Variants in PMPCB observed in about 807,000 individuals in gnomAD.
PMPCB encodes the protein peptidase, mitochondrial processing subunit beta, also known as mitochondrial-processing peptidase subunit beta.
In PMPCB, 46 loss-of-function variants were observed where a neutral mutation model predicts 61.5. The observed-to-expected ratio is 0.75, with a 90% confidence interval of 0.59 to 0.96. The LOEUF (loss-of-function observed/expected upper bound fraction) is 0.96. Ranked by LOEUF, PMPCB falls within the 40% of genes least tolerant of loss-of-function variation. The probability of loss-of-function intolerance (pLI) is 0.00; values close to 1 mark genes in which losing one functional copy is unlikely to be tolerated. For missense variants in PMPCB, 590 were observed against 602.4 expected (o/e 0.98, Z 0.22); for synonymous variants, 191 against 201.6 (o/e 0.95, Z 0.44).
At chr7:103,334,335 G>A (rs2116009420), downstream of PMPCB, among the ~76,000 whole-genome samples, 1 of 151,794 alleles carries the variant, frequency 6.6e-6, no homozygotes. Flanking sequence ...ACTGAGGCAG[G>A]TGGATCACTT....
chr7:103,308,866 A>T, intron 7 of PMPCB, 86 bp from the exon 8 acceptor site: 1 of 1,087,778 alleles, frequency 9.2e-7, no homozygotes, highest in Non-Finnish European at 1.3e-6. Flanking sequence ...TTTGCAGTTA[A>T]TGGGACTGGT....
intron 9 of PMPCB, 81 bp from the exon 10 acceptor site, chr7:103,311,562 A>C (rs1368953046): frequency 6.6e-6 from 6 of 915,868 alleles, no homozygotes; most frequent in South Asian, 1.5e-5. Context: ...TTTTGTGTAG[A>C]AGATGGCATC....
chr7:103,323,843 A>G (rs1818556568), intron 12 of PMPCB, among the ~76,000 whole-genome samples: 1 of 152,312 alleles, frequency 6.6e-6, no homozygotes, highest in African/African-American at 2.4e-5. Flanking sequence ...TAAAATGCAC[A>G]TATCACTCCA....
At chr7:103,324,824 T>C (rs1818616690) in intron 12 of PMPCB, 2 of 228,406 alleles carry the variant, frequency 8.8e-6, no homozygotes, top group Non-Finnish European at 1.7e-5. Context: ...TTATCTTCAG[T>C]TCTATAAAAT....
intron 12 of PMPCB, chr7:103,327,748 G>A (rs1818782591): frequency 1.9e-6 from 3 of 1,609,272 alleles, no homozygotes; most frequent in Non-Finnish European, 2.5e-6. Context: ...TAAAACCATT[G>A]CTTTATCTAC....
At chr7:103,347,436 C>T in the PMPCB span, 22 of 299,862 alleles carry the variant, frequency 7.3e-5, no homozygotes, top group Non-Finnish European at 1.2e-4. Flanking sequence ...AAATAGATTA[C>T]CTTCACTATA....
At chr7:103,318,199 T>A (rs73175837), downstream of PMPCB, among the ~76,000 whole-genome samples, 9,909 of 152,092 alleles carry the variant, frequency 0.065, 395 homozygotes, top group South Asian at 0.13. Context: ...AAAGTCTCGC[T>A]CTGTTGCCCA....
At chr7:103,316,919 T>A, downstream of PMPCB, 1 of 1,613,992 alleles carries the variant, frequency 6.2e-7, no homozygotes, top group Non-Finnish European at 8.5e-7. Flanking sequence ...CATTTCCACC[T>A]CCACCAGTTG....
Position 103,313,404 on chromosome 7 carries a change from T to C in PMPCB, c.*1133T>C. On this transcript the variant is annotated 3_prime_UTR_variant, in exon 13 of 13. Transcript: ENST00000249269. ...CACTCACCAGACTGGTAAAAAGCCA[T>C]ATTTAAATTTATAGTACTGTTGGAC... 2 of 983,926 alleles carry C rather than the reference T, an allele frequency of 2.0e-6. No homozygotes were observed. The highest frequency in any genetic ancestry group is 1.2e-6 in the Non-Finnish European group (1 of 828,556). The allele number at this position is 983,926 out of a possible 1,614,324, so 60.9% of individuals were successfully genotyped here.
At chr7:103,326,772 G>A (rs1818732226) in intron 12 of PMPCB, 2 of 1,310,552 alleles carry the variant, frequency 1.5e-6, no homozygotes, top group Middle Eastern at 2.5e-4. Context: ...TTAAAACATA[G>A]AAGTCATTAA....
downstream of PMPCB, among the ~76,000 whole-genome samples, chr7:103,330,823 C>T (rs1334408776): frequency 2.0e-5 from 3 of 151,778 alleles, no homozygotes; most frequent in South Asian, 2.1e-4. Flanking sequence ...CTCAAGCGAT[C>T]CTCCCACCCT....
chr7:103,303,858 T>G lies in PMPCB; in HGVS notation c.474T>G (p.Ala158=), dbSNP rs752603479. 3.7e-6 allele frequency: 6 copies of G among 1,607,616 alleles called. No homozygotes were observed. The highest frequency in any genetic ancestry group is 5.1e-6 in the Non-Finnish European group (6 of 1,177,022). The change falls in exon 5 of 13, where the codon GCT becomes GCG. Residue 158 remains alanine (A), a synonymous_variant. Coordinates refer to ENST00000249269, the MANE Select transcript of PMPCB (RefSeq NM_004279.3). The part of the protein sequence containing the change: ...KDLPRAVEIL[A]DIIQNSTLGE... ...TTCAATTAGCTGTAGAAATTCTTGC[T>G]GATATAATACAAAACAGCACATTGG... is the stretch of plus-strand genomic sequence containing the variant.
chr7:103,309,121 C>T (rs2115694482), intron 8 of PMPCB, 26 bp downstream of exon 8: 1 of 1,556,728 alleles, frequency 6.4e-7, no homozygotes, highest in South Asian at 1.2e-5. Flanking sequence ...AGAAATTTTC[C>T]ATAACAGATG....
At chr7:103,307,793 C>A in intron 7 of PMPCB, 85 bp downstream of exon 7, 2 of 747,746 alleles carry the variant, frequency 2.7e-6, no homozygotes, top group Non-Finnish European at 4.7e-6. Flanking sequence ...GTGCATATTT[C>A]CAGTAGGAAA....
downstream of PMPCB, among the ~76,000 whole-genome samples, chr7:103,330,418 G>A (rs1415700508): frequency 6.6e-6 from 1 of 151,882 alleles, no homozygotes; most frequent in Non-Finnish European, 1.5e-5. Context: ...CTCCCAAGTG[G>A]CTGGGATTAC....
chr7:103,317,275 G>T, downstream of PMPCB: 1 of 391,220 alleles, frequency 2.6e-6, no homozygotes. Flanking sequence ...CATTAGCCTT[G>T]GACACTAATT....
At chr7:103,322,223 G>A (rs955621216) in intron 12 of PMPCB, 22 of 645,508 alleles carry the variant, frequency 3.4e-5, no homozygotes, top group Non-Finnish European at 4.7e-5. Flanking sequence ...GGATGAACTC[G>A]GAAAGACAGC....
At position 103,298,752 on chromosome 7, in the gene PMPCB, C is replaced by T. The variant is rs765788575; in HGVS notation, c.240+44C>T. The stretch of plus-strand genomic sequence containing the variant: ...CTTCTCTAAGTGACCCTTCATTTAG[C>T]GTAGCAAATTGTTGATTTTAATCTT... On this transcript the variant is annotated intron_variant, in intron 2 of 12. Coordinates refer to ENST00000249269, the MANE Select transcript of PMPCB (RefSeq NM_004279.3). 6.4e-6 allele frequency: 10 copies of T among 1,566,950 alleles called. No homozygotes were observed. The East Asian group carries it at 1.1e-4, about 18-fold the overall frequency.
exon 13 of PMPCB, chr7:103,329,089 AT>A (rs1257949212): frequency 1.6e-5 from 14 of 886,634 alleles, no homozygotes; most frequent in East Asian, 7.4e-5. Flanking sequence ...GTGGTCAACA[AT>A]TTTTTTGTTT....
Sources: allele counts gnomAD v4.1 joint callset (sites outside exome capture counted in the v4.1 genomes callset), GRCh38; gene constraint gnomAD v4.1.1; transcripts MANE v1.5; gene names NCBI Gene and HGNC (gene_info 2026-07-23, HGNC 2026-07-21).